The following DIS3L2 variants were observed in gnomAD, a reference collection of about 807,000 sequenced individuals.
DIS3L2 encodes DIS3-like exonuclease 2.
In DIS3L2, 34 loss-of-function variants were observed where a neutral mutation model predicts 97.5. That is an observed-to-expected ratio of 0.35 (90% CI 0.27 to 0.46). The LOEUF is 0.46. DIS3L2 is among the 20% of genes least tolerant of loss of function. The pLI is 1.00. For missense variants in DIS3L2, 1,038 were observed against 1,146.0 expected, an observed-to-expected ratio of 0.91 and a Z score of 1.36; for synonymous variants, 435 against 445.2, an observed-to-expected ratio of 0.98 and a Z score of 0.29.
chr2:232,164,063 C>T (rs991269392), intron 9 of DIS3L2, among the ~76,000 whole-genome samples: 2 of 152,150 alleles, frequency 1.3e-5, no homozygotes, highest in African/African-American at 4.8e-5. Flanking sequence ...TTACTGTCAG[C>T]CTTTTACAGA....
chr2:232,249,099 T>C, intron 11 of DIS3L2, 140 bp from the exon 12 acceptor site: 2 of 712,134 alleles, frequency 2.8e-6, no homozygotes, highest in East Asian at 2.7e-5. Flanking sequence ...GTGGTCTTTC[T>C]GCAGAGTCTT....
At chr2:232,110,588 T>G (rs144944721) in intron 6 of DIS3L2, among the ~76,000 whole-genome samples, 2,363 of 152,210 alleles carry the variant, frequency 0.016, 65 homozygotes, top group African/African-American at 0.054. Flanking sequence ...TTTAGCAAAC[T>G]AATGCAGGAA....
intron 5 of DIS3L2, among the ~76,000 whole-genome samples, chr2:232,059,708 C>T (rs146255083): frequency 1.3e-5 from 2 of 152,210 alleles, no homozygotes; most frequent in East Asian, 1.9e-4. Context: ...TGTTTAGCCC[C>T]CACTTATAAG....
chr2:232,312,854 T>C (rs954704069), intron 14 of DIS3L2, among the ~76,000 whole-genome samples: 1 of 152,228 alleles, frequency 6.6e-6, no homozygotes, highest in African/African-American at 2.4e-5. Context: ...TTTTAAATGG[T>C]ATTTGTAAAT....
At chr2:232,343,409 C>A in exon 14 of DIS3L2, 1 of 1,556,594 alleles carries the variant, frequency 6.4e-7, no homozygotes, top group East Asian at 2.4e-5. Flanking sequence ...GCTGAAGATG[C>A]AGAAGCACAG....
rs544778827 is a variant in DIS3L2 at position 232,163,762 on chromosome 2, T to C, written c.1124+130T>C. 34 of 1,074,854 alleles carry C rather than the reference T, an allele frequency of 3.2e-5. No homozygotes were observed. The African/African-American group carries it at 5.1e-4, about 16-fold the overall frequency. The allele number at this position is 1,074,854 out of a possible 1,614,324, so 66.6% of individuals were successfully genotyped here. On this transcript the variant is annotated intron_variant, in intron 9 of 20. Transcript: ENST00000325385. ...GTTCAGTTGGGAATAGGTGCTTCTG[T>C]ACCACAGTTGGCAAATTATGGCCCA...
chr2:232,203,972 C>CT (rs1691964160), intron 9 of DIS3L2, among the ~76,000 whole-genome samples: 1 of 152,036 alleles, frequency 6.6e-6, no homozygotes. Flanking sequence ...AGCATGCAGT[C>CT]TAACTGGAAA....
At position 232,337,108 on chromosome 2, in the gene DIS3L2, C is replaced by G. The variant is rs1575030799; in HGVS notation, c.*478C>G. ...AACACCTGGAACTTTCCTGTCAGTTCCAACACGATTCAGAGCTGGCTGCCT... is the reference window on the plus strand; with the variant it reads ...AACACCTGGAACTTTCCTGTCAGTTGCAACACGATTCAGAGCTGGCTGCCT... On this transcript the variant is annotated 3_prime_UTR_variant, in exon 21 of 21. Coordinates refer to ENST00000325385, the MANE Select transcript of DIS3L2 (RefSeq NM_152383.5). 9.8e-7 allele frequency: 1 copy of G among 1,019,858 alleles called. No homozygotes were observed. The highest frequency in any genetic ancestry group is 1.2e-6 in the Non-Finnish European group (1 of 853,350). The allele number at this position is 1,019,858 out of a possible 1,614,324, so 63.2% of individuals were successfully genotyped here.
intron 5 of DIS3L2, among the ~76,000 whole-genome samples, chr2:232,076,360 T>C (rs2106292828): frequency 6.6e-6 from 1 of 152,312 alleles, no homozygotes; most frequent in African/African-American, 2.4e-5. Flanking sequence ...TCCCTCATAG[T>C]CCTGGTCTCT....
intron 14 of DIS3L2, among the ~76,000 whole-genome samples, chr2:232,326,025 G>A (rs1695563339): frequency 3.3e-5 from 5 of 152,192 alleles, no homozygotes; most frequent in Admixed American, 3.3e-4. Flanking sequence ...GCGTTTCGGA[G>A]GTTTGGCTGC....
chr2:231,964,504 C>A (rs940028438), intron 1 of DIS3L2, among the ~76,000 whole-genome samples: 16 of 152,188 alleles, frequency 1.1e-4, no homozygotes, highest in African/African-American at 3.6e-4. Context: ...AAAACCTCCC[C>A]TGATTTGAGT....
intron 12 of DIS3L2, among the ~76,000 whole-genome samples, chr2:232,254,711 G>A (rs1466331846): frequency 6.6e-6 from 1 of 152,200 alleles, no homozygotes; most frequent in African/African-American, 2.4e-5. Context: ...GCACTAGAAA[G>A]TGGCAAACTC....
chr2:231,971,855 A>G (rs1350441585), intron 1 of DIS3L2, among the ~76,000 whole-genome samples: 1 of 147,128 alleles, frequency 6.8e-6, no homozygotes, highest in Non-Finnish European at 1.5e-5. Flanking sequence ...TGCTGGGATT[A>G]CAGGTGTGAG....
At chr2:232,343,756 C>T (rs1260215183) in exon 14 of DIS3L2, 1 of 635,830 alleles carries the variant, frequency 1.6e-6, no homozygotes, top group Non-Finnish European at 2.7e-6. Context: ...ACTGCTATAC[C>T]CTCTTCAGCC....
chr2:232,234,651 A>T (rs780012416), intron 10 of DIS3L2, among the ~76,000 whole-genome samples: 1 of 152,228 alleles, frequency 6.6e-6, no homozygotes, highest in East Asian at 1.9e-4. Context: ...TTTTATGATC[A>T]TCATAGTCTA....
intron 1 of DIS3L2, among the ~76,000 whole-genome samples, chr2:231,981,922 T>A (rs1693275489): frequency 2.0e-5 from 3 of 151,210 alleles, no homozygotes. Context: ...TAATCCCAGC[T>A]ACTCGGGAGG....
At chr2:232,270,185 C>A (rs1442242988) in intron 13 of DIS3L2, among the ~76,000 whole-genome samples, 1 of 152,008 alleles carries the variant, frequency 6.6e-6, no homozygotes, top group Non-Finnish European at 1.5e-5. Flanking sequence ...TCTCCGGTCC[C>A]CTCTTCTTCC....
intron 1 of DIS3L2, among the ~76,000 whole-genome samples, chr2:231,973,582 G>A (rs1294986244): frequency 2.0e-5 from 3 of 151,968 alleles, no homozygotes; most frequent in Non-Finnish European, 2.9e-5. Flanking sequence ...ATAGAGACAG[G>A]GTCTCACTGT....
At position 232,268,700 on chromosome 2, in the gene DIS3L2, G is replaced by A. The variant is rs978710804; in HGVS notation, c.1659+5260G>A. 1.3e-5 allele frequency among the ~76,000 whole-genome samples: 2 copies of A among 152,162 alleles called. No individual in the cohort carries two copies. The highest frequency in any genetic ancestry group is 4.8e-5 in the African/African-American group (2 of 41,442). On this transcript the variant is annotated intron_variant, in intron 13 of 20. Coordinates refer to ENST00000325385, the MANE Select transcript of DIS3L2 (RefSeq NM_152383.5). This position sits in a 1 kb window ranked among gnomAD's most constrained non-coding sequence, Gnocchi z 4.1. The stretch of plus-strand genomic sequence containing the variant: ...TGCATAAACCAGTCTTAGCTCATGG[G>A]TCATACAAAAGCAGGTTTGGCCTGT...
Sources: allele counts gnomAD v4.1 joint callset (sites outside exome capture counted in the v4.1 genomes callset), GRCh38; gene constraint gnomAD v4.1.1; non-coding constraint Gnocchi (gnomAD v3.1); transcripts MANE v1.5; gene names NCBI Gene and HGNC (gene_info 2026-07-23, HGNC 2026-07-21).